BCAT1: variants seen among roughly 807,000 people sequenced by gnomAD.
BCAT1 encodes the protein branched-chain-amino-acid aminotransferase, cytosolic.
BCAT1 carries 48 observed loss-of-function variants against 52.4 expected under a neutral mutation model. That is an observed-to-expected ratio of 0.92 (90% CI 0.73 to 1.16). The LOEUF (loss-of-function observed/expected upper bound fraction) is 1.16. Among genes scored for constraint, BCAT1 ranks in the 50% most tolerant of loss-of-function variants. The pLI is 0.00. For synonymous variants in BCAT1, 167 were observed against 161.3 expected (o/e 1.04, Z -0.27); for missense variants, 451 against 457.1 (o/e 0.99, Z 0.12).
intron 10 of BCAT1, among the ~76,000 whole-genome samples, chr12:24,822,100 A>G (rs1049808922): frequency 5.3e-5 from 8 of 152,204 alleles, no homozygotes; most frequent in Non-Finnish European, 1.2e-4. Flanking sequence ...CACGTCGACA[A>G]CACGGCCAAT....
At chr12:24,943,787 T>A (rs7136436) in intron 1 of BCAT1, among the ~76,000 whole-genome samples, 58,603 of 151,634 alleles carry the variant, frequency 0.39, 11,539 homozygotes, top group Middle Eastern at 0.51. Flanking sequence ...GATCAAGACC[T>A]TCCTGGCTAA....
chr12:24,907,041 A>G (rs1270815275), intron 1 of BCAT1, among the ~76,000 whole-genome samples: 1 of 152,216 alleles, frequency 6.6e-6, no homozygotes, highest in Non-Finnish European at 1.5e-5. Context: ...GCAAGCTCCC[A>G]GCCCATCCCA....
chr12:24,932,673 A>G (rs996679858), intron 1 of BCAT1, among the ~76,000 whole-genome samples: 2 of 152,164 alleles, frequency 1.3e-5, no homozygotes, highest in African/African-American at 2.4e-5. Context: ...GTCTCCTTCT[A>G]TCGCACAGGC....
intron 1 of BCAT1, among the ~76,000 whole-genome samples, chr12:24,912,170 C>T (rs1943337234): frequency 6.6e-6 from 1 of 152,136 alleles, no homozygotes; most frequent in South Asian, 2.1e-4. Context: ...GAATCCACAA[C>T]ATATGCTCAC....
chr12:24,862,060 C>T lies in BCAT1; in HGVS notation c.511-12111G>A, dbSNP rs538694792. ...CCCTCAGTTCTGGGAATTCCCCACC[C>T]CTTTCCAGGAAAATTCATGAATAAT... is the stretch of plus-strand genomic sequence containing the variant. On this transcript the variant is annotated intron_variant, in intron 5 of 10. Transcript: ENST00000261192. Among the ~76,000 whole-genome samples, 15 of 152,332 alleles carry T rather than the reference C, an allele frequency of 9.8e-5. No homozygotes were observed. In the East Asian group the frequency reaches 2.9e-3, roughly 29 times the overall value.
At chr12:24,926,361 G>T (rs7972955) in intron 1 of BCAT1, among the ~76,000 whole-genome samples, 1 of 150,940 alleles carries the variant, frequency 6.6e-6, no homozygotes, top group Non-Finnish European at 1.5e-5. Context: ...CTGGCCAGCC[G>T]CCCCGTCCGG....
intron 6 of BCAT1, 106 bp downstream of exon 6, chr12:24,849,680 A>G (rs1941446286): frequency 8.2e-7 from 1 of 1,223,400 alleles, no homozygotes; most frequent in Non-Finnish European, 1.1e-6. Flanking sequence ...CACAATGAGC[A>G]TTAAAGTTTG....
intron 6 of BCAT1, among the ~76,000 whole-genome samples, chr12:24,844,518 T>C (rs1941273937): frequency 6.6e-6 from 1 of 152,140 alleles, no homozygotes; most frequent in Non-Finnish European, 1.5e-5. Flanking sequence ...GCTGAAATAT[T>C]CCAGTAAGCT....
chr12:24,901,927 G>A, intron 1 of BCAT1, 42 bp from the exon 2 acceptor site: 2 of 1,613,652 alleles, frequency 1.2e-6, no homozygotes, highest in Non-Finnish European at 1.7e-6. Context: ...ATGCAGGTGG[G>A]TAAGCGGGAC....
chr12:24,893,560 C>G (rs1315359777), intron 3 of BCAT1, among the ~76,000 whole-genome samples: 2 of 152,122 alleles, frequency 1.3e-5, no homozygotes, highest in African/African-American at 4.8e-5. Context: ...TGCAGGAATT[C>G]AGTAAACAAA....
At chr12:24,849,518 C>T (rs1187948222) in intron 6 of BCAT1, among the ~76,000 whole-genome samples, 1 of 152,238 alleles carries the variant, frequency 6.6e-6, no homozygotes, top group East Asian at 1.9e-4. Flanking sequence ...CCCTAGATAT[C>T]ATATCCAGTG....
rs1286035976 is a variant in BCAT1, at chr12:24,911,243, G to C, written c.7-9358C>G. Among the ~76,000 whole-genome samples, 7 of 151,628 alleles carry C rather than the reference G, an allele frequency of 4.6e-5. No individual in the cohort carries two copies. In the East Asian group the frequency reaches 1.4e-3, roughly 29 times the overall value. The stretch of plus-strand genomic sequence containing the variant: ...ATGTTTGTTTAGAGTTTTTTTTGCA[G>C]ACATCTCTTAAAGCCAATGTCCCTT... On this transcript the variant is annotated intron_variant, in intron 1 of 10. Coordinates refer to ENST00000261192, the MANE Select transcript of BCAT1 (RefSeq NM_005504.7).
chr12:24,844,091 T>G (rs930951038), intron 6 of BCAT1, among the ~76,000 whole-genome samples: 1 of 152,148 alleles, frequency 6.6e-6, no homozygotes, highest in African/African-American at 2.4e-5. Flanking sequence ...AAATAATTGC[T>G]TTAGCCCCTA....
In BCAT1 at chr12:24,813,874, G is replaced by A. The variant is rs1939779581; in HGVS notation, c.*4134C>T. ...TTTATAGCTACAATCAGTTCAAGTA[G>A]TAGAATACAAACTCCATGAGGGTAA... On this transcript the variant is annotated 3_prime_UTR_variant, in exon 11 of 11. Coordinates refer to ENST00000261192, the MANE Select transcript of BCAT1 (RefSeq NM_005504.7). 1 of 152,040 alleles carries A rather than the reference G, an allele frequency of 6.6e-6. No individual in the cohort carries two copies. Among genetic ancestry groups the A allele is most frequent in the Non-Finnish European group, 1.5e-5 (1 of 67,946 alleles). 9.4% of individuals were successfully genotyped at this position (152,040 alleles called of 1,614,324 possible).
At chr12:24,893,858 A>G (rs895701155) in intron 3 of BCAT1, among the ~76,000 whole-genome samples, 3 of 152,230 alleles carry the variant, frequency 2.0e-5, no homozygotes, top group African/African-American at 7.2e-5. Context: ...CTTAACATGC[A>G]TAACTAGACA....
At chr12:24,840,149 T>A (rs773218984) in intron 7 of BCAT1, among the ~76,000 whole-genome samples, 1 of 152,226 alleles carries the variant, frequency 6.6e-6, no homozygotes, top group South Asian at 2.1e-4. Context: ...AAATGTTTCA[T>A]GATTATTGTT....
intron 6 of BCAT1, among the ~76,000 whole-genome samples, chr12:24,843,412 G>A (rs1019330179): frequency 2.0e-5 from 3 of 152,080 alleles, no homozygotes; most frequent in South Asian, 2.1e-4. Flanking sequence ...AGACCAGCCC[G>A]GCCAACATGG....
At chr12:24,875,195 T>C (rs929003553) in intron 5 of BCAT1, among the ~76,000 whole-genome samples, 4 of 152,104 alleles carry the variant, frequency 2.6e-5, no homozygotes, top group African/African-American at 7.2e-5. Flanking sequence ...ACTTCACATA[T>C]CAAATGTAGC....
intron 1 of BCAT1, among the ~76,000 whole-genome samples, chr12:24,914,767 T>C (rs1943382238): frequency 6.6e-6 from 1 of 152,308 alleles, no homozygotes; most frequent in South Asian, 2.1e-4. Context: ...TTCCAAAGTT[T>C]ATATCAAGTT....
Sources: allele counts gnomAD v4.1 joint callset (sites outside exome capture counted in the v4.1 genomes callset), GRCh38; gene constraint gnomAD v4.1.1; transcripts MANE v1.5; gene names NCBI Gene and HGNC (gene_info 2026-07-23, HGNC 2026-07-21).